Variants in YME1L1 observed in about 807,000 individuals in gnomAD.
YME1L1 encodes the protein ATP-dependent zinc metalloprotease YME1L1.
In YME1L1, 39 loss-of-function variants were observed where a neutral mutation model predicts 90.4. The ratio of observed to expected loss-of-function variants is 0.43; its 90% CI spans 0.33 to 0.56. The LOEUF is 0.56. Among genes scored for constraint, YME1L1 ranks in the 20% least tolerant of loss-of-function variants. The probability of loss-of-function intolerance (pLI) is 0.03; values close to 1 mark genes in which losing one functional copy is unlikely to be tolerated. For missense variants in YME1L1, 617 were observed against 868.4 expected, an observed-to-expected ratio of 0.71 and a Z score of 3.64; for synonymous variants, 284 against 287.3, an observed-to-expected ratio of 0.99 and a Z score of 0.12.
intron 13 of YME1L1, 126 bp from the exon 14 acceptor site, chr10:27,119,575 G>A (rs924188202): frequency 1.1e-5 from 11 of 1,002,898 alleles, no homozygotes; most frequent in South Asian, 3.7e-5. Flanking sequence ...TTGGGAGGCT[G>A]GGGCAGGCAG....
intron 8 of YME1L1, among the ~76,000 whole-genome samples, chr10:27,131,452 A>G (rs1469436176): frequency 1.3e-5 from 2 of 152,238 alleles, no homozygotes; most frequent in African/African-American, 2.4e-5. Flanking sequence ...CATGTTTTAG[A>G]TAGTGGAGTT....
chr10:27,140,104 A>T (rs1302088797), intron 4 of YME1L1, among the ~76,000 whole-genome samples: 1 of 152,084 alleles, frequency 6.6e-6, no homozygotes, highest in African/African-American at 2.4e-5. Flanking sequence ...GGTTCAAGCG[A>T]TTATCCTGCC....
At chr10:27,138,108 G>A (rs946302415) in intron 4 of YME1L1, among the ~76,000 whole-genome samples, 1 of 151,928 alleles carries the variant, frequency 6.6e-6, no homozygotes, top group African/African-American at 2.4e-5. Flanking sequence ...AGCCACTTAG[G>A]CTGATAACAT....
chr10:27,132,262 G>A (rs2056984744), intron 7 of YME1L1, among the ~76,000 whole-genome samples: 1 of 151,848 alleles, frequency 6.6e-6, no homozygotes, highest in Non-Finnish European at 1.5e-5. Flanking sequence ...CACCAAACCC[G>A]GCTAATTTTG....
intron 2 of YME1L1, 34 bp downstream of exon 2, chr10:27,148,872 A>G: frequency 6.2e-7 from 1 of 1,611,330 alleles, no homozygotes; most frequent in Non-Finnish European, 8.5e-7. Context: ...GTATATCAAA[A>G]AGGCTTTCTC....
rs760194560 is a variant in YME1L1, at chr10:27,110,824, A to T, written c.*1153T>A. On this transcript the variant is annotated 3_prime_UTR_variant, in exon 19 of 19. Transcript: ENST00000376016. ...GGAGAGTGACAGTAATGCTAAAAAA[A>T]AGAACATGAAAATGCACACAGCATT... The T allele has an allele frequency of 2.6e-5, 4 of 152,196 alleles. No homozygotes were observed. The highest frequency in any genetic ancestry group is 6.5e-5 in the Admixed American group (1 of 15,274). The allele number at this position is 152,196 out of a possible 1,614,324, so 9.4% of individuals were successfully genotyped here.
chr10:27,130,540 G>A (rs759358124), intron 8 of YME1L1, among the ~76,000 whole-genome samples: 2 of 152,138 alleles, frequency 1.3e-5, no homozygotes, highest in Non-Finnish European at 2.9e-5. Flanking sequence ...TTGTCCCCCA[G>A]ATCTGCTCCA....
chr10:27,115,938 G>T, intron 17 of YME1L1, 122 bp downstream of exon 17: 2 of 869,454 alleles, frequency 2.3e-6, no homozygotes, highest in Non-Finnish European at 3.7e-6. Context: ...AGAATAAAGA[G>T]CCTCAAATCC....
chr10:27,136,564 C>G (rs1010928047), intron 4 of YME1L1, among the ~76,000 whole-genome samples, 179 bp from the exon 5 acceptor site: 4 of 152,010 alleles, frequency 2.6e-5, no homozygotes, highest in Non-Finnish European at 4.4e-5. Flanking sequence ...CTTTTATTGC[C>G]CAGGCTGGCC....
Position 27,111,713 on chromosome 10 carries a change from T to C in YME1L1, c.*264A>G, listed in dbSNP as rs930563249. 7 of 522,476 alleles carry C rather than the reference T, an allele frequency of 1.3e-5. No individual in the cohort carries two copies. The highest frequency in any genetic ancestry group is 6.0e-5 in the Admixed American group (2 of 33,072). The allele number at this position is 522,476 out of a possible 1,614,324, so 32.4% of individuals were successfully genotyped here. On this transcript the variant is annotated 3_prime_UTR_variant, in exon 19 of 19. Coordinates refer to ENST00000376016, the MANE Select transcript of YME1L1 (RefSeq NM_014263.4). Reference sequence around the variant, plus strand: ...TAATTACTTTCAACTTAATAACTAATTGACATTCCTCAAAAGAGCTGTTTT... The same window carrying C: ...TAATTACTTTCAACTTAATAACTAACTGACATTCCTCAAAAGAGCTGTTTT...
intron 15 of YME1L1, among the ~76,000 whole-genome samples, 190 bp from the exon 16 acceptor site, chr10:27,116,535 G>A (rs753026650): frequency 7.2e-5 from 11 of 152,070 alleles, no homozygotes; most frequent in South Asian, 2.1e-4. Context: ...GCATGGTGGT[G>A]CATGGCTATA....
At chr10:27,150,231 T>C (rs10764676) in intron 1 of YME1L1, among the ~76,000 whole-genome samples, 75,973 of 152,070 alleles carry the variant, frequency 0.5, 21,698 homozygotes, top group Non-Finnish European at 0.65. Context: ...AAATATTTGT[T>C]GAGTAAATGA....
At chr10:27,131,732 A>C in intron 8 of YME1L1, 127 bp downstream of exon 8, 2 of 644,086 alleles carry the variant, frequency 3.1e-6, no homozygotes, top group Non-Finnish European at 5.2e-6. Flanking sequence ...CCAAAATACT[A>C]ATGTTTCTAA....
intron 15 of YME1L1, 46 bp downstream of exon 15, chr10:27,117,530 T>G: frequency 6.3e-7 from 1 of 1,597,056 alleles, no homozygotes. Flanking sequence ...ATCGCGCCAT[T>G]GCACTCCAGC....
At position 27,111,901 on chromosome 10, in the gene YME1L1, G is replaced by A. The variant is rs763429309; in HGVS notation, c.*76C>T. 28 of 1,534,090 alleles carry A rather than the reference G, an allele frequency of 1.8e-5. No homozygotes were observed. In the Admixed American group the frequency reaches 3.0e-4, roughly 16 times the overall value. ...ACCACATCAAGAATGAGGGGAAAGC[G>A]TTGTAAAAGTAGACTACTGCAATGC... On this transcript the variant is annotated 3_prime_UTR_variant, in exon 19 of 19. Coordinates refer to ENST00000376016, the MANE Select transcript of YME1L1 (RefSeq NM_014263.4).
At position 27,123,560 on chromosome 10, in the gene YME1L1, G is replaced by C; in HGVS notation, c.1089C>G (p.Ile363Met). ...EMFVGVGASR[I>M]RNLFREAKAN... The stretch of plus-strand genomic sequence containing the variant: ...ACCAAAACGTACTAAAAAGATTTCT[G>C]ATACGGCTGGCTCCCACACCCACAA... Residue 363 changes from isoleucine (I) to methionine (M), a missense_variant, in exon 10 of 19, where the codon ATC becomes ATG. Physicochemically the swap from Ile to Met is conservative, Grantham distance 10 (BLOSUM62 1). Around this residue, in one of 4 missense-constraint regions of YME1L1, gnomAD observed 93 missense variants for 184.8 expected, o/e 0.50. Coordinates refer to ENST00000376016, the MANE Select transcript of YME1L1 (RefSeq NM_014263.4). The C allele has an allele frequency of 1.2e-6, 2 of 1,613,504 alleles. No individual in the cohort carries two copies. The highest frequency in any genetic ancestry group is 1.7e-6 in the Non-Finnish European group (2 of 1,179,712).
At chr10:27,137,755 T>C (rs1344611613) in intron 4 of YME1L1, among the ~76,000 whole-genome samples, 1 of 152,182 alleles carries the variant, frequency 6.6e-6, no homozygotes, top group Non-Finnish European at 1.5e-5. Flanking sequence ...TTTATTTCTT[T>C]AGTAAATTGA....
At chr10:27,139,884 C>T (rs954486257) in intron 4 of YME1L1, among the ~76,000 whole-genome samples, 2 of 151,986 alleles carry the variant, frequency 1.3e-5, no homozygotes, top group Non-Finnish European at 2.9e-5. Flanking sequence ...TTTTTTTATA[C>T]TAAATTTGTT....
In YME1L1 at chr10:27,148,984, A is replaced by C. The variant is rs139741746; in HGVS notation, c.90T>G (p.Ser30=). The C allele has an allele frequency of 2.2e-5, 35 of 1,614,092 alleles. No individual in the cohort carries two copies. The African/African-American group carries it at 4.5e-4, about 21-fold the overall frequency. ...INAFHTPKNT[S]VSLSGVSVSQ... is the part of the protein sequence containing the mutation. ...AAACTGACACTCCACTGAGAGAAAC[A>C]GAAGTGTTTTTTGGTGTATGGAAGG... Residue 30 remains serine (S), a synonymous_variant, in exon 2 of 19, where the codon TCT becomes TCG. Coordinates refer to ENST00000376016, the MANE Select transcript of YME1L1 (RefSeq NM_014263.4).
Sources: allele counts gnomAD v4.1 joint callset (sites outside exome capture counted in the v4.1 genomes callset), GRCh38; gene constraint gnomAD v4.1.1; regional missense constraint gnomAD v4.1.1; transcripts MANE v1.5; gene names NCBI Gene and HGNC (gene_info 2026-07-23, HGNC 2026-07-21).